SMC3: variants seen among roughly 807,000 people sequenced by gnomAD.
The protein encoded by SMC3 is structural maintenance of chromosomes protein 3.
A neutral mutation model predicts 171.8 loss-of-function variants in SMC3; 20 were observed. That is an observed-to-expected ratio of 0.12 (90% CI 0.08 to 0.17). The LOEUF is 0.17. SMC3 is among the 10% of genes least tolerant of loss of function. The pLI is 1.00. For missense variants in SMC3, 543 were observed against 1,420.4 expected (o/e 0.38, Z 9.93); for synonymous variants, 464 against 451.1 (o/e 1.03, Z -0.36).
At chr10:110,583,044 A>C (rs1861056017) in intron 10 of SMC3, among the ~76,000 whole-genome samples, 1 of 148,710 alleles carries the variant, frequency 6.7e-6, no homozygotes, top group East Asian at 2.0e-4. Flanking sequence ...TGATCCTCCC[A>C]CCTCAGCCTC....
chr10:110,595,771 T>C (rs1225807002), intron 18 of SMC3, among the ~76,000 whole-genome samples: 2 of 152,106 alleles, frequency 1.3e-5, no homozygotes, highest in African/African-American at 2.4e-5. Context: ...CAATATGTTA[T>C]TACATTGGTA....
intron 4 of SMC3, among the ~76,000 whole-genome samples, chr10:110,576,921 A>G (rs1265430931): frequency 2.0e-5 from 3 of 152,094 alleles, no homozygotes; most frequent in Non-Finnish European, 2.9e-5. Context: ...AATTTTTCTT[A>G]AAAAACAGAC....
chr10:110,575,171 G>A (rs1195194869), intron 3 of SMC3, among the ~76,000 whole-genome samples, 165 bp from the exon 4 acceptor site: 3 of 152,104 alleles, frequency 2.0e-5, no homozygotes, highest in Non-Finnish European at 4.4e-5. Flanking sequence ...TGATTAGTCT[G>A]ATGTGCAGGC....
intron 18 of SMC3, 50 bp from the exon 19 acceptor site, chr10:110,596,348 T>G (rs1861300617): frequency 2.0e-6 from 3 of 1,514,320 alleles, no homozygotes; most frequent in Non-Finnish European, 9.0e-7. Flanking sequence ...AGTCAATTTA[T>G]CATTGAATAA....
chr10:110,567,802 C>CA lies in SMC3; in HGVS notation c.-14dup. ...CTCCGGGGCAGGTCTCCTTCCAGGC[C>CA]AGGGGCCCGGAATCATGTACATAAA... On this transcript the variant is annotated 5_prime_UTR_variant, in exon 1 of 29. Coordinates refer to ENST00000361804, the MANE Select transcript of SMC3 (RefSeq NM_005445.4). The CA allele has an allele frequency of 6.2e-7, 1 of 1,613,508 alleles. No individual in the cohort carries two copies. The highest frequency in any genetic ancestry group is 1.1e-5 in the South Asian group (1 of 91,080).
At chr10:110,596,651 TTG>T (rs1861305402) in intron 19 of SMC3, 101 bp downstream of exon 19, 1 of 1,165,338 alleles carries the variant, frequency 8.6e-7, no homozygotes, top group Non-Finnish European at 1.2e-6. Flanking sequence ...TAAAAATTTC[TTG>T]TGTTTTAAGT....
chr10:110,568,838 TTTCTA>T, intron 1 of SMC3, 95 bp from the exon 2 acceptor site: 1 of 734,490 alleles, frequency 1.4e-6, no homozygotes, highest in South Asian at 1.6e-5. Context: ...AATTTCGAGT[TTTCTA>T]TATTGCATTA....
chr10:110,568,237 G>A (rs1330165478), intron 1 of SMC3: 2 of 259,362 alleles, frequency 7.7e-6, no homozygotes, highest in Non-Finnish European at 1.5e-5. Flanking sequence ...ATGTGCCTGG[G>A]ATGTGTGGAA....
In SMC3 at chr10:110,604,458, CTG is replaced by C. The variant is rs1391904728; in HGVS notation, c.*158_*159del. ...TTGTCTTTGTATTTTATAAGATACT[CTG>C]TAATGTCATGTTTGTACTGATAGTT... is the stretch of plus-strand genomic sequence containing the variant. On this transcript the variant is annotated 3_prime_UTR_variant, in exon 29 of 29. Coordinates refer to ENST00000361804, the MANE Select transcript of SMC3 (RefSeq NM_005445.4). 1.8e-5 allele frequency: 11 copies of C among 613,716 alleles called. No individual in the cohort carries two copies. The highest frequency in any genetic ancestry group is 1.1e-4 in the African/African-American group (6 of 54,026). The allele number at this position is 613,716 out of a possible 1,614,324, so 38.0% of individuals were successfully genotyped here. A position where few individuals can be genotyped will look rare whatever the true frequency, so the allele number is the denominator to read the frequency against.
At chr10:110,582,248 G>A (rs1861042713) in intron 9 of SMC3, 150 bp downstream of exon 9, 1 of 743,574 alleles carries the variant, frequency 1.3e-6, no homozygotes, top group African/African-American at 1.8e-5. Flanking sequence ...AGTTTTTTTA[G>A]TTCAAGGAAA....
In SMC3 at chr10:110,598,322, T is replaced by C. The variant is rs144555609; in HGVS notation, c.2268+32T>C. ...AAGTATATCTTTGGTTATAGATCGA[T>C]TGTTACAGATTAATAATATGGAAAT... On this transcript the variant is annotated intron_variant, in intron 20 of 28. Coordinates refer to ENST00000361804, the MANE Select transcript of SMC3 (RefSeq NM_005445.4). 5.4e-5 allele frequency: 85 copies of C among 1,585,038 alleles called. No individual in the cohort carries two copies. The East Asian group carries it at 1.7e-3, about 32-fold the overall frequency.
At chr10:110,577,366 A>C in intron 4 of SMC3, 55 bp from the exon 5 acceptor site, 1 of 1,314,174 alleles carries the variant, frequency 7.6e-7, no homozygotes, top group East Asian at 2.3e-5. Context: ...AGAATCCTTT[A>C]AAGGATATGA....
At chr10:110,575,265 G>A (rs1415251119) in intron 3 of SMC3, 71 bp from the exon 4 acceptor site, 2 of 1,013,998 alleles carry the variant, frequency 2.0e-6, no homozygotes, top group Non-Finnish European at 3.1e-6. Flanking sequence ...GTTCTATTGA[G>A]GTGTGGGAAG....
chr10:110,572,369 C>T (rs1860884967), intron 2 of SMC3, among the ~76,000 whole-genome samples: 1 of 152,146 alleles, frequency 6.6e-6, no homozygotes, highest in Non-Finnish European at 1.5e-5. Flanking sequence ...TAGCATTTTT[C>T]CCCCTCCAGT....
intron 3 of SMC3, 74 bp from the exon 4 acceptor site, chr10:110,575,262 T>A: frequency 2.0e-6 from 2 of 993,598 alleles, no homozygotes; most frequent in East Asian, 2.4e-5. Flanking sequence ...TATGTTCTAT[T>A]GAGGTGTGGG....
Position 110,583,394 on chromosome 10 carries a change from G to A in SMC3, c.815G>A (p.Arg272His). 2 of 1,613,100 alleles carry A rather than the reference G, an allele frequency of 1.2e-6. No individual in the cohort carries two copies. Among genetic ancestry groups the A allele is most frequent in the East Asian group, 2.2e-5 (1 of 44,834 alleles). ...AATACTTTTGAATAGGATATCGAAC[G>A]CCAAGTTAGAGAATTGAAAACAAAA... ...DARDKMEDIE[R>H]QVRELKTKIS... The change falls in exon 11 of 29, where the codon CGC becomes CAC. Residue 272 changes from arginine to histidine, a missense_variant. By Grantham distance (29) the Arg-to-His change is conservative. Transcript: ENST00000361804.
rs186140315 is a variant in SMC3, at chr10:110,596,938, G to A, written c.2116+388G>A. The stretch of plus-strand genomic sequence containing the variant: ...CTGTTTTAAGGAAGAGAGTGGGGGC[G>A]GCATCAGTAATGTTACATATTGCTT... On this transcript the variant is annotated intron_variant, in intron 19 of 28. Coordinates refer to ENST00000361804, the MANE Select transcript of SMC3 (RefSeq NM_005445.4). Among the ~76,000 whole-genome samples, 8 of 151,814 alleles carry A rather than the reference G, an allele frequency of 5.3e-5. No individual in the cohort carries two copies. In the East Asian group the frequency reaches 1.4e-3, roughly 26 times the overall value.
rs1861175439 is a variant in SMC3 at position 110,589,481 on chromosome 10, C to A, written c.1306-124C>A. ...ATTACCCAAAAGCGTTTTCCATACC[C>A]CTTTGTAATTCCTCCCTCACCTTTT... On this transcript the variant is annotated intron_variant, in intron 13 of 28. Coordinates refer to ENST00000361804, the MANE Select transcript of SMC3 (RefSeq NM_005445.4). 1.0e-5 allele frequency: 7 copies of A among 678,672 alleles called. No homozygotes were observed. In the East Asian group the frequency reaches 1.9e-4, roughly 18 times the overall value. 42.0% of individuals were successfully genotyped at this position (678,672 alleles called of 1,614,324 possible).
In SMC3 at chr10:110,601,952, T is replaced by C; in HGVS notation, c.2893-14T>C. On this transcript the variant is annotated splice_polypyrimidine_tract_variant and intron_variant, in intron 24 of 28. Transcript: ENST00000361804. ...ATAAATTTATTTATATGAATACATA[T>C]TTTCTCTTTATAGTTGTTTCGAAAA... 6.2e-7 allele frequency: 1 copy of C among 1,610,712 alleles called. No individual in the cohort carries two copies.
Sources: allele counts gnomAD v4.1 joint callset (sites outside exome capture counted in the v4.1 genomes callset), GRCh38; gene constraint gnomAD v4.1.1; transcripts MANE v1.5; gene names NCBI Gene and HGNC (gene_info 2026-07-23, HGNC 2026-07-21).